Variants in ROBO2 observed in about 807,000 individuals in gnomAD.
ROBO2 encodes the protein roundabout guidance receptor 2.
ROBO2 carries 53 observed loss-of-function variants against 160.8 expected under a neutral mutation model. The ratio of observed to expected loss-of-function variants is 0.33; its 90% CI spans 0.26 to 0.41. ROBO2 has a LOEUF of 0.41. Ranked by LOEUF, ROBO2 falls within the 10% of genes least tolerant of loss-of-function variation. The pLI, the probability that ROBO2 is intolerant of heterozygous loss-of-function variation, is 1.00. For synonymous variants in ROBO2, 664 were observed against 611.7 expected, an observed-to-expected ratio of 1.09 and a Z score of -1.26; for missense variants, 1,577 against 1,722.4, an observed-to-expected ratio of 0.92 and a Z score of 1.49.
chr3:76,233,161 T>G (rs1704724711), intron 2 of ROBO2, among the ~76,000 whole-genome samples: 1 of 152,116 alleles, frequency 6.6e-6, no homozygotes, highest in African/African-American at 2.4e-5. Flanking sequence ...ATTTTATTTT[T>G]CAGGTAAAGT....
At chr3:75,989,722 A>G (rs1175971381) in intron 2 of ROBO2, among the ~76,000 whole-genome samples, 1 of 152,224 alleles carries the variant, frequency 6.6e-6, no homozygotes, top group African/African-American at 2.4e-5. Flanking sequence ...TGTCAATACA[A>G]AATAAAATTT....
intron 2 of ROBO2, among the ~76,000 whole-genome samples, chr3:76,074,477 A>T (rs1265092769): frequency 6.6e-6 from 1 of 152,238 alleles, no homozygotes; most frequent in Non-Finnish European, 1.5e-5. Context: ...ATGTGTAATC[A>T]GATTAGAATT....
chr3:77,311,276 T>C (rs2063522517), intron 2 of ROBO2, among the ~76,000 whole-genome samples: 3 of 152,190 alleles, frequency 2.0e-5, no homozygotes, highest in Admixed American at 2.0e-4. Flanking sequence ...CCAATAATAT[T>C]GTACTATTGT....
intron 2 of ROBO2, among the ~76,000 whole-genome samples, chr3:76,865,193 A>G (rs138088851): frequency 4.7e-4 from 72 of 152,048 alleles, no homozygotes; most frequent in African/African-American, 1.7e-3. Context: ...TTCTCAAATT[A>G]TCATTGGTGA....
chr3:75,918,370 T>A (rs1946895720), intron 1 of ROBO2, among the ~76,000 whole-genome samples: 1 of 152,164 alleles, frequency 6.6e-6, no homozygotes, highest in Admixed American at 6.5e-5. Flanking sequence ...TTCTGAGGCC[T>A]CTGTTCTGTT....
chr3:77,098,712 C>G (rs2071445604), intron 2 of ROBO2, among the ~76,000 whole-genome samples: 1 of 152,014 alleles, frequency 6.6e-6, no homozygotes, highest in South Asian at 2.1e-4. Flanking sequence ...AAAAAATTAT[C>G]CGGGCATGGT....
At position 76,794,931 on chromosome 3, in the gene ROBO2, G is replaced by A. The variant is rs147849251; in HGVS notation, c.110-303083G>A. On this transcript the variant is annotated intron_variant, in intron 2 of 26. Transcript: ENST00000487694. ...TTTTAGTAGTCTGTCTGATACAAATGTGCAGGCATACCTCAGAGATATTGC... is the reference window on the plus strand; with the variant it reads ...TTTTAGTAGTCTGTCTGATACAAATATGCAGGCATACCTCAGAGATATTGC... Among the ~76,000 whole-genome samples the A allele has an allele frequency of 1.4e-3, 218 of 152,036 alleles. 1 individual carries two copies. Among genetic ancestry groups the A allele is most frequent in the African/African-American group, 5.1e-3 (211 of 41,506 alleles).
intron 5 of ROBO2, among the ~76,000 whole-genome samples, chr3:77,512,589 A>G (rs1016965683): frequency 6.6e-6 from 1 of 152,012 alleles, no homozygotes; most frequent in Non-Finnish European, 1.5e-5. Flanking sequence ...CATAAGATGA[A>G]TAAGTGATTT....
intron 2 of ROBO2, among the ~76,000 whole-genome samples, chr3:76,524,558 A>G (rs940165428): frequency 5.3e-5 from 8 of 151,812 alleles, no homozygotes; most frequent in Admixed American, 6.6e-5. Context: ...TTTAGAGATT[A>G]TGGGACGCTT....
intron 2 of ROBO2, among the ~76,000 whole-genome samples, chr3:76,281,116 A>G (rs1480479161): frequency 1.3e-5 from 2 of 151,946 alleles, no homozygotes; most frequent in African/African-American, 4.8e-5. Flanking sequence ...CAAAAATAAT[A>G]AATCCAACTG....
intron 2 of ROBO2, among the ~76,000 whole-genome samples, chr3:76,491,828 C>G (rs2079841027): frequency 6.6e-6 from 1 of 152,134 alleles, no homozygotes; most frequent in Non-Finnish European, 1.5e-5. Flanking sequence ...GGTGCGGTGG[C>G]CCACGCCTGT....
At chr3:76,910,953 C>T (rs2075958702) in intron 2 of ROBO2, among the ~76,000 whole-genome samples, 1 of 151,998 alleles carries the variant, frequency 6.6e-6, no homozygotes, top group Non-Finnish European at 1.5e-5. Flanking sequence ...TACTTAAATA[C>T]TCTCCACAAA....
At chr3:76,263,069 T>C (rs1253846453) in intron 2 of ROBO2, among the ~76,000 whole-genome samples, 1 of 152,086 alleles carries the variant, frequency 6.6e-6, no homozygotes, top group Non-Finnish European at 1.5e-5. Flanking sequence ...CTCCCGAATA[T>C]TGTATTTCAA....
intron 2 of ROBO2, among the ~76,000 whole-genome samples, chr3:76,960,806 A>T (rs1221546527): frequency 6.6e-6 from 1 of 152,176 alleles, no homozygotes; most frequent in Non-Finnish European, 1.5e-5. Flanking sequence ...CCACTGTAGC[A>T]CTATTTGCTC....
chr3:76,777,316 T>C (rs1271735912), intron 2 of ROBO2, among the ~76,000 whole-genome samples: 1 of 151,090 alleles, frequency 6.6e-6, no homozygotes, highest in Non-Finnish European at 1.5e-5. Context: ...TGTGAAAAGA[T>C]TATTGACTTT....
At chr3:76,266,315 AC>A (rs1707097234) in intron 2 of ROBO2, among the ~76,000 whole-genome samples, 1 of 152,170 alleles carries the variant, frequency 6.6e-6, no homozygotes, top group Non-Finnish European at 1.5e-5. Context: ...TCAAGGGTTG[AC>A]AAATTATTAT....
chr3:76,290,672 C>T (rs982814731), intron 2 of ROBO2, among the ~76,000 whole-genome samples: 1 of 152,040 alleles, frequency 6.6e-6, no homozygotes, highest in Non-Finnish European at 1.5e-5. Flanking sequence ...ATAGATTGCT[C>T]TTACTATTTT....
chr3:77,390,711 T>G (rs982858762), intron 2 of ROBO2, among the ~76,000 whole-genome samples: 1 of 152,192 alleles, frequency 6.6e-6, no homozygotes, highest in African/African-American at 2.4e-5. Flanking sequence ...AAATGAACAT[T>G]ATATTTTTAA....
chr3:76,234,043 A>G lies in ROBO2; in HGVS notation c.109+296441A>G, dbSNP rs147198931. ...TGTGTTGATATGTATTTGAAGTTTA[A>G]CTCCCACTTATAAGTGAGAACAGGC... On this transcript the variant is annotated intron_variant, in intron 2 of 26. Transcript: ENST00000487694. Among the ~76,000 whole-genome samples the G allele has an allele frequency of 1.2e-3, 185 of 151,932 alleles. 1 individual carries two copies. The highest frequency in any genetic ancestry group is 3.9e-3 in the African/African-American group (163 of 41,414).
Sources: allele counts gnomAD v4.1 joint callset (sites outside exome capture counted in the v4.1 genomes callset), GRCh38; gene constraint gnomAD v4.1.1; transcripts MANE v1.5; gene names NCBI Gene and HGNC (gene_info 2026-07-23, HGNC 2026-07-21).